PRDM9: variants seen among roughly 807,000 people sequenced by gnomAD.
PRDM9 encodes histone-lysine N-methyltransferase PRDM9.
A neutral mutation model predicts 55.6 loss-of-function variants in PRDM9; 47 were observed. The observed-to-expected ratio is 0.85, with a 90% confidence interval of 0.67 to 1.08. The LOEUF is 1.08. Among genes scored for constraint, PRDM9 ranks in the 50% least tolerant of loss-of-function variants. The pLI is 0.00. For synonymous variants in PRDM9, 312 were observed against 375.7 expected, an observed-to-expected ratio of 0.83 and a Z score of 1.96; for missense variants, 867 against 1,040.3, an observed-to-expected ratio of 0.83 and a Z score of 2.29.
At chr5:23,517,523 C>T (rs140935721) in intron 4 of PRDM9, among the ~76,000 whole-genome samples, 385 of 152,236 alleles carry the variant, frequency 2.5e-3, no homozygotes, top group African/African-American at 8.7e-3. Context: ...TGGTGGCTCA[C>T]GCCTGTAATC....
Position 23,522,899 on chromosome 5 carries a change from G to A in PRDM9, c.882+14G>A, listed in dbSNP as rs200711484. The A allele has an allele frequency of 5.8e-4, 934 of 1,614,254 alleles. 1 individual carries two copies. The highest frequency in any genetic ancestry group is 7.2e-4 in the Admixed American group (43 of 60,030). On this transcript the variant is annotated intron_variant, in intron 8 of 10. Coordinates refer to ENST00000296682, the MANE Select transcript of PRDM9 (RefSeq NM_020227.4). ...TACTCCTGGCTGGTAAGAAGAGCCT[G>A]CCATTTCCCCTGTTCTGTCTTCCCA...
At chr5:23,524,131 G>A (rs1386545353) in intron 9 of PRDM9, among the ~76,000 whole-genome samples, 1 of 152,168 alleles carries the variant, frequency 6.6e-6, no homozygotes. Flanking sequence ...TTCTAGGCAG[G>A]ATGAACACTG....
Position 23,521,163 on chromosome 5 carries a change from C to T in PRDM9, c.492C>T (p.His164=). ...GAGAAGCAAGTACCTCTGGACAGCA[C>T]TCAAGACTAAAACTGGGTAAGAAAA... ...PSGEASTSGQ[H]SRLKLELRKK... is the part of the protein sequence containing the mutation. Residue 164 remains histidine, a synonymous_variant, in exon 6 of 11, where the codon CAC becomes CAT. Transcript: ENST00000296682. The T allele has an allele frequency of 6.2e-7, 1 of 1,613,452 alleles. No individual in the cohort carries two copies. The highest frequency in any genetic ancestry group is 8.5e-7 in the Non-Finnish European group (1 of 1,180,032).
At chr5:23,523,860 C>T (rs1739381513) in intron 9 of PRDM9, among the ~76,000 whole-genome samples, 1 of 152,100 alleles carries the variant, frequency 6.6e-6, no homozygotes, top group Non-Finnish European at 1.5e-5. Flanking sequence ...CTGGGGAAGT[C>T]AGGTGAATGG....
At position 23,527,876 on chromosome 5, in the gene PRDM9, T is replaced by C; in HGVS notation, c.*103T>C. The C allele has an allele frequency of 7.1e-7, 1 of 1,403,334 alleles. No homozygotes were observed. Among genetic ancestry groups the C allele is most frequent in the Non-Finnish European group, 1.0e-6 (1 of 1,003,652 alleles). The allele number at this position is 1,403,334 out of a possible 1,614,324, so 86.9% of individuals were successfully genotyped here. The stretch of plus-strand genomic sequence containing the variant: ...TGAGGTGGCTTCAGCGGAAGTCTGC[T>C]GACCCCTTATATTCCCCGAGAGTAT... On this transcript the variant is annotated 3_prime_UTR_variant, in exon 11 of 11. Transcript: ENST00000296682.
chr5:23,525,081 T>G (rs755365277), intron 10 of PRDM9, among the ~76,000 whole-genome samples: 82 of 152,218 alleles, frequency 5.4e-4, no homozygotes, highest in Non-Finnish European at 1.0e-3. Flanking sequence ...TTGAAGTAAA[T>G]GAATCCAGAA....
At chr5:23,524,278 T>A in intron 9 of PRDM9, 56 bp from the exon 10 acceptor site, 1 of 1,584,384 alleles carries the variant, frequency 6.3e-7, no homozygotes, top group East Asian at 2.2e-5. Flanking sequence ...CATACCTGGA[T>A]CTGATACTGG....
At chr5:23,517,738 G>T in intron 4 of PRDM9, 143 bp from the exon 5 acceptor site, 1 of 789,680 alleles carries the variant, frequency 1.3e-6, no homozygotes, top group Non-Finnish European at 2.2e-6. Context: ...AGTGAGTGGA[G>T]ATTGAGCCAC....
chr5:23,522,902 A>C lies in PRDM9; in HGVS notation c.882+17A>C. On this transcript the variant is annotated intron_variant, in intron 8 of 10. Transcript: ENST00000296682. ...TCCTGGCTGGTAAGAAGAGCCTGCC[A>C]TTTCCCCTGTTCTGTCTTCCCACAT... The C allele has an allele frequency of 3.1e-6, 5 of 1,614,236 alleles. No homozygotes were observed. Among genetic ancestry groups the C allele is most frequent in the Non-Finnish European group, 4.2e-6 (5 of 1,180,038 alleles).
intron 4 of PRDM9, among the ~76,000 whole-genome samples, chr5:23,516,988 T>A (rs922825842): frequency 6.7e-6 from 1 of 150,088 alleles, no homozygotes; most frequent in African/African-American, 2.4e-5. Flanking sequence ...AATAAAAAAT[T>A]TAAAAATTTA....
At chr5:23,525,774 A>G (rs1395218562) in intron 10 of PRDM9, among the ~76,000 whole-genome samples, 1 of 152,342 alleles carries the variant, frequency 6.6e-6, no homozygotes. Context: ...ATCACTAAGG[A>G]CAATCTCACC....
chr5:23,507,460 T>A (rs1739001619), upstream of PRDM9: 1 of 152,274 alleles, frequency 6.6e-6, no homozygotes, highest in South Asian at 2.1e-4. Flanking sequence ...AACCGGGTTG[T>A]GCCCGTGACT....
At chr5:23,509,252 A>G in intron 2 of PRDM9, 150 bp downstream of exon 2, 1 of 1,323,042 alleles carries the variant, frequency 7.6e-7, no homozygotes, top group Non-Finnish European at 1.1e-6. Flanking sequence ...GGAGAAAAGA[A>G]CACTAGCATC....
Position 23,527,982 on chromosome 5 carries a change from A to T in PRDM9, c.*209A>T, listed in dbSNP as rs995470151. The T allele has an allele frequency of 4.2e-6, 3 of 716,206 alleles. No homozygotes were observed. The African/African-American group carries it at 5.3e-5, about 13-fold the overall frequency. The allele number at this position is 716,206 out of a possible 1,614,324, so 44.4% of individuals were successfully genotyped here. A position where few individuals can be genotyped will look rare whatever the true frequency, so the allele number is the denominator to read the frequency against. On this transcript the variant is annotated 3_prime_UTR_variant, in exon 11 of 11. Coordinates refer to ENST00000296682, the MANE Select transcript of PRDM9 (RefSeq NM_020227.4). Reference sequence around the variant, plus strand: ...AGGAAGAACAAGGGATAGTTCTGTAAGTGTTCGGGGGACATCAGCATGTGT... The same window carrying T: ...AGGAAGAACAAGGGATAGTTCTGTATGTGTTCGGGGGACATCAGCATGTGT...
intron 1 of PRDM9, among the ~76,000 whole-genome samples, chr5:23,508,741 C>A (rs1739031369): frequency 6.6e-6 from 1 of 152,138 alleles, no homozygotes; most frequent in Non-Finnish European, 1.5e-5. Context: ...ACTAAAAGAA[C>A]AAAATCCAGC....
In PRDM9 at chr5:23,509,040, C is replaced by T; in HGVS notation, c.7C>T (p.Pro3Ser). Residue 3 changes from proline to serine, a missense_variant, in exon 2 of 11, where the codon CCT becomes TCT. Around this residue, in one of 5 missense-constraint regions of PRDM9, gnomAD observed 662 missense variants for 711.9 expected, o/e 0.93. Coordinates refer to ENST00000296682, the MANE Select transcript of PRDM9 (RefSeq NM_020227.4). ...TCTAGACAGTCCCAGCACCATGAGC[C>T]CTGAAAAGTCCCAAGAGGAGAGCCC... MSPEKSQEESPEE... is the reference protein window; with the variant it reads MSSEKSQEESPEE... 6.2e-7 allele frequency: 1 copy of T among 1,614,026 alleles called. No homozygotes were observed. The highest frequency in any genetic ancestry group is 1.3e-5 in the African/African-American group (1 of 75,008).
At chr5:23,508,737 A>G (rs2126404386) in intron 1 of PRDM9, among the ~76,000 whole-genome samples, 1 of 152,264 alleles carries the variant, frequency 6.6e-6, no homozygotes, top group East Asian at 1.9e-4. Flanking sequence ...GGGAACTAAA[A>G]GAACAAAATC....
intron 10 of PRDM9, among the ~76,000 whole-genome samples, chr5:23,525,748 T>C (rs370192723): frequency 1.2e-4 from 18 of 152,318 alleles, no homozygotes; most frequent in African/African-American, 4.3e-4. Flanking sequence ...AATAGATCCT[T>C]TTCCCCTCTT....
rs372841304 is a variant in PRDM9, at chr5:23,522,291, T to C, written c.509-13T>C. 7.2e-5 allele frequency: 115 copies of C among 1,600,884 alleles called. 1 individual carries two copies. The African/African-American group carries it at 1.4e-3, about 19-fold the overall frequency. Reference sequence around the variant, plus strand: ...GATTCCCAATTTTACCCGTCTACTCTTCTCCAACCTAGAACTCAGGAAGAA... The same window carrying C: ...GATTCCCAATTTTACCCGTCTACTCCTCTCCAACCTAGAACTCAGGAAGAA... On this transcript the variant is annotated splice_polypyrimidine_tract_variant and intron_variant, in intron 6 of 10. Coordinates refer to ENST00000296682, the MANE Select transcript of PRDM9 (RefSeq NM_020227.4).
Sources: allele counts gnomAD v4.1 joint callset (sites outside exome capture counted in the v4.1 genomes callset), GRCh38; gene constraint gnomAD v4.1.1; regional missense constraint gnomAD v4.1.1; transcripts MANE v1.5; gene names NCBI Gene and HGNC (gene_info 2026-07-23, HGNC 2026-07-21).